Variants in PCGF3 observed in about 807,000 individuals in gnomAD.
PCGF3 encodes the protein polycomb group RING finger protein 3.
Under a neutral mutation model 33.1 loss-of-function variants are expected in PCGF3, and 7 were observed. The ratio of observed to expected loss-of-function variants is 0.21; its 90% CI spans 0.12 to 0.40. The LOEUF (loss-of-function observed/expected upper bound fraction) is 0.40, where lower values mean the gene tolerates loss of function less well. PCGF3 is among the 10% of genes least tolerant of loss of function. PCGF3 has a pLI of 1.00. For synonymous variants in PCGF3, 153 were observed against 121.3 expected, an observed-to-expected ratio of 1.26 and a Z score of -1.72; for missense variants, 211 against 313.3, an observed-to-expected ratio of 0.67 and a Z score of 2.46.
intron 6 of PCGF3, among the ~76,000 whole-genome samples, chr4:738,937 T>G (rs1743965585): frequency 6.6e-6 from 1 of 152,054 alleles, no homozygotes; most frequent in Non-Finnish European, 1.5e-5. Flanking sequence ...GGCAGGAACC[T>G]CGAGTTTTGT....
chr4:711,454 CTTTTTTTTTTTT>C (rs1248598317), intron 1 of PCGF3, among the ~76,000 whole-genome samples: 1 of 82,908 alleles, frequency 1.2e-5, no homozygotes, highest in African/African-American at 3.7e-5. Flanking sequence ...TTTTTTTTTT[CTTTTTTTTTTTT>C]TTGAGACGGA....
rs200875455 is a variant in PCGF3 at position 733,733 on chromosome 4, G to A, written c.53G>A (p.Arg18His). The change falls in exon 4 of 11, where the codon CGC becomes CAC. Residue 18 changes from arginine to histidine, a missense_variant. Arg to His is a conservative substitution (Grantham distance 29). This residue lies in a region of PCGF3 where 53 missense variants were observed against 106.5 expected (regional missense o/e 0.50). Transcript: ENST00000362003. ...GACATCAACGCCCACATCACCTGCC[G>A]CCTGTGCAGCGGGTACCTCATCGAC... 137 of 1,612,188 alleles carry A rather than the reference G, an allele frequency of 8.5e-5. No individual in the cohort carries two copies. The highest frequency in any genetic ancestry group is 1.6e-4 in the Middle Eastern group (1 of 6,084).
At chr4:731,377 T>C (rs4521289) in intron 3 of PCGF3, 391,697 of 393,218 alleles carry the variant, frequency 1, 195,107 homozygotes, top group East Asian at 1. Context: ...GGCGTGTCGC[T>C]GAGGAGCAGT....
intron 3 of PCGF3, chr4:731,415 C>T (rs952896190): frequency 4.3e-5 from 16 of 371,896 alleles, no homozygotes; most frequent in Non-Finnish European, 6.7e-5. Flanking sequence ...CCTGGGGCCT[C>T]AGCCCAGTGA....
At chr4:722,901 G>A (rs1430646231) in intron 1 of PCGF3, among the ~76,000 whole-genome samples, 1 of 118,342 alleles carries the variant, frequency 8.5e-6, no homozygotes, top group Admixed American at 8.4e-5. Flanking sequence ...CATCCACGCC[G>A]GGTCCACACT....
chr4:767,351 T>C lies in PCGF3; in HGVS notation c.*1272T>C, dbSNP rs1399157733. 9 of 152,174 alleles carry C rather than the reference T, an allele frequency of 5.9e-5. 1 individual carries two copies. The South Asian group carries it at 1.7e-3, about 28-fold the overall frequency. 9.4% of individuals were successfully genotyped at this position (152,174 alleles called of 1,614,324 possible). Reference sequence around the variant, plus strand: ...CCTTTAAAACAGTAACTTGGAAATATGAAAAGGCCAGAAGGAGGAGCAAGG... The same window carrying C: ...CCTTTAAAACAGTAACTTGGAAATACGAAAAGGCCAGAAGGAGGAGCAAGG... On this transcript the variant is annotated 3_prime_UTR_variant, in exon 11 of 11. Transcript: ENST00000362003.
intron 9 of PCGF3, among the ~76,000 whole-genome samples, chr4:763,704 C>G (rs1745197457): frequency 2.0e-5 from 3 of 152,228 alleles, no homozygotes; most frequent in African/African-American, 7.2e-5. Context: ...AGCAGCCACA[C>G]CTCGTCATTT....
chr4:748,639 C>T (rs929660059), intron 8 of PCGF3, among the ~76,000 whole-genome samples: 2 of 152,128 alleles, frequency 1.3e-5, no homozygotes, highest in African/African-American at 2.4e-5. Context: ...AGAAGGGGTC[C>T]GGAGGGGCAG....
At chr4:760,456 G>A (rs1188846547) in intron 8 of PCGF3, among the ~76,000 whole-genome samples, 1 of 152,052 alleles carries the variant, frequency 6.6e-6, no homozygotes, top group Non-Finnish European at 1.5e-5. Context: ...GTTTCCGTGA[G>A]TGTTTTTATT....
exon 11 of PCGF3, chr4:768,999 T>G (rs1323790140): frequency 1.3e-5 from 2 of 152,700 alleles, no homozygotes; most frequent in African/African-American, 4.8e-5. Flanking sequence ...ATATGTACAT[T>G]CAGCTGTTTG....
chr4:708,880 C>G (rs1742446860), intron 1 of PCGF3, among the ~76,000 whole-genome samples: 1 of 152,208 alleles, frequency 6.6e-6, no homozygotes, highest in Non-Finnish European at 1.5e-5. Context: ...CTATTTCCCA[C>G]TCCCTCTCTA....
At chr4:751,090 G>T (rs530763339) in intron 8 of PCGF3, among the ~76,000 whole-genome samples, 39 of 152,134 alleles carry the variant, frequency 2.6e-4, no homozygotes, top group Non-Finnish European at 4.3e-4. Context: ...TCCGGTTTTG[G>T]TGTCTTCTTT....
intron 8 of PCGF3, among the ~76,000 whole-genome samples, chr4:755,949 T>A (rs1158920853): frequency 3.2e-5 from 4 of 126,048 alleles, no homozygotes; most frequent in Admixed American, 9.5e-5. Context: ...GGAGTTTCCC[T>A]CTTGCCCAGG....
chr4:734,071 G>A (rs1291217700), intron 4 of PCGF3: 8 of 1,550,728 alleles, frequency 5.2e-6, no homozygotes, highest in Non-Finnish European at 7.0e-6. Flanking sequence ...TAGCCGCTGT[G>A]ACAGTGCTCA....
chr4:755,370 G>A (rs185995388), intron 8 of PCGF3, among the ~76,000 whole-genome samples: 59 of 152,202 alleles, frequency 3.9e-4, no homozygotes, highest in African/African-American at 8.4e-4. Context: ...GCTCCTCTGC[G>A]TGTGAGTTGC....
intron 1 of PCGF3, among the ~76,000 whole-genome samples, chr4:718,548 C>A (rs776967975): frequency 2.0e-5 from 3 of 152,270 alleles, no homozygotes; most frequent in Non-Finnish European, 4.4e-5. Context: ...GTCAGCCCAG[C>A]AGTGAGGCCT....
At chr4:715,363 C>T (rs918645069) in intron 1 of PCGF3, among the ~76,000 whole-genome samples, 1 of 138,238 alleles carries the variant, frequency 7.2e-6, no homozygotes, top group African/African-American at 2.7e-5. Flanking sequence ...ACCTTGTAGA[C>T]ACTGTGAGTG....
intron 1 of PCGF3, among the ~76,000 whole-genome samples, chr4:717,785 A>C (rs1269063501): frequency 6.6e-6 from 1 of 152,212 alleles, no homozygotes; most frequent in East Asian, 1.9e-4. Flanking sequence ...GGGCGCCCTG[A>C]GCGAGAGGGC....
intron 5 of PCGF3, among the ~76,000 whole-genome samples, 196 bp downstream of exon 5, chr4:735,223 C>G (rs912480290): frequency 3.3e-5 from 5 of 152,216 alleles, no homozygotes; most frequent in African/African-American, 1.2e-4. Context: ...CCAGGCCTGC[C>G]CAGGCTGTGC....
Sources: gnomAD v4.1 joint callset for allele counts (sites outside exome capture counted in the v4.1 genomes callset) on GRCh38, gnomAD v4.1.1 for gene constraint, gnomAD v4.1.1 regional missense constraint, MANE v1.5 for transcripts, NCBI Gene and HGNC (gene_info 2026-07-23, HGNC 2026-07-21) for gene names.